The following METTL15 variants were observed in gnomAD, a reference collection of about 807,000 sequenced individuals.
METTL15 encodes the protein 12S rRNA N(4)-cytidine methyltransferase METTL15.
Under a neutral mutation model 38.3 loss-of-function variants are expected in METTL15, and 34 were observed. That is an observed-to-expected ratio of 0.89 (90% CI 0.68 to 1.18). The LOEUF (loss-of-function observed/expected upper bound fraction) is 1.18, where lower values mean the gene tolerates loss of function less well. Among genes scored for constraint, METTL15 ranks in the 50% most tolerant of loss-of-function variants. The pLI is 0.00. For missense variants in METTL15, 438 were observed against 498.4 expected, an observed-to-expected ratio of 0.88 and a Z score of 1.15; for synonymous variants, 162 against 170.9, an observed-to-expected ratio of 0.95 and a Z score of 0.41.
chr11:28,155,107 A>G lies in METTL15; in HGVS notation c.270+41503A>G, dbSNP rs573829173. The stretch of plus-strand genomic sequence containing the variant: ...AAGGTGTTCTCTAGATGTCTGCAGC[A>G]TTAAGGTAGCATTTTATGGGAAACT... On this transcript the variant is annotated intron_variant, in intron 3 of 6. Coordinates refer to ENST00000407364, the MANE Select transcript of METTL15 (RefSeq NM_001113528.2). Among the ~76,000 whole-genome samples, 5 of 152,302 alleles carry G rather than the reference A, an allele frequency of 3.3e-5. No homozygotes were observed. The South Asian group carries it at 1.0e-3, about 32-fold the overall frequency.
chr11:28,253,112 C>T (rs535286533), intron 4 of METTL15, among the ~76,000 whole-genome samples: 5 of 152,162 alleles, frequency 3.3e-5, no homozygotes, highest in African/African-American at 1.2e-4. Flanking sequence ...TGACTGATAC[C>T]TTTGTAATTT....
Position 28,518,233 on chromosome 11 carries a change from C to T in METTL15, c.*425-8245C>T, listed in dbSNP as rs140111756. Among the ~76,000 whole-genome samples, 62 of 152,222 alleles carry T rather than the reference C, an allele frequency of 4.1e-4. No homozygotes were observed. The East Asian group carries it at 0.012, about 28-fold the overall frequency. ...TCTCATCTCTGTTGGATGCTAGAGA[C>T]CCCCCTCCACATGACACATCTGGGT... On this transcript the variant is annotated intron_variant and NMD_transcript_variant, in intron 6 of 7. Transcript: ENST00000532947.
intron 6 of METTL15, among the ~76,000 whole-genome samples, chr11:28,481,005 A>C (rs906499827): frequency 6.6e-6 from 1 of 152,190 alleles, no homozygotes; most frequent in Non-Finnish European, 1.5e-5. Context: ...AGGCAGGAAG[A>C]AGAGAGAGAA....
rs144824261 is a variant in METTL15 at position 28,287,620 on chromosome 11, C to T, written c.408-2586C>T. On this transcript the variant is annotated intron_variant, in intron 4 of 6. Transcript: ENST00000407364. ...GAGCATCAGCCAGGACATCCATGTG[C>T]ACCATTGTGGTGGCGTGGAAGGAGC... 2.5e-3 allele frequency: 520 copies of T among 210,742 alleles called. 5 individuals carry two copies. The highest frequency in any genetic ancestry group is 0.012 in the African/African-American group (499 of 43,180). The allele number at this position is 210,742 out of a possible 1,614,324, so 13.1% of individuals were successfully genotyped here. A position where few individuals can be genotyped will look rare whatever the true frequency, so the allele number is the denominator to read the frequency against.
chr11:28,114,277 AG>A (rs1851850097), intron 3 of METTL15, among the ~76,000 whole-genome samples: 1 of 152,048 alleles, frequency 6.6e-6, no homozygotes, highest in Non-Finnish European at 1.5e-5. Flanking sequence ...GCATGTTTTC[AG>A]GGTTCTTCCA....
intron 6 of METTL15, among the ~76,000 whole-genome samples, chr11:28,315,600 G>A (rs1857451237): frequency 6.6e-6 from 1 of 152,182 alleles, no homozygotes. Flanking sequence ...TAAGTAAGGA[G>A]AAGCCAATCC....
At chr11:28,296,432 C>T (rs1030206658) in intron 5 of METTL15, among the ~76,000 whole-genome samples, 2 of 152,074 alleles carry the variant, frequency 1.3e-5, no homozygotes, top group Non-Finnish European at 2.9e-5. Context: ...TTAAATCTAA[C>T]CATTTTTCAT....
At chr11:28,448,011 G>A (rs1851089366) in intron 6 of METTL15, among the ~76,000 whole-genome samples, 1 of 152,022 alleles carries the variant, frequency 6.6e-6, no homozygotes, top group Non-Finnish European at 1.5e-5. Context: ...CCTCCACTCT[G>A]TCCCCATGCC....
intron 6 of METTL15, among the ~76,000 whole-genome samples, chr11:28,308,892 G>A (rs61889053): frequency 2.3e-4 from 34 of 146,998 alleles, no homozygotes; most frequent in South Asian, 8.9e-4. Flanking sequence ...AGGTAGGTAG[G>A]TAGATAGATA....
chr11:28,196,812 A>G lies in METTL15; in HGVS notation c.271-14250A>G, dbSNP rs1851926608. The stretch of plus-strand genomic sequence containing the variant: ...GTTGTATAAAGTCTTTCTGGTCAGT[A>G]AAAAATTGAGATATTTCAAATGCCT... On this transcript the variant is annotated intron_variant, in intron 3 of 6. Transcript: ENST00000407364. Among the ~76,000 whole-genome samples, 3 of 152,016 alleles carry G rather than the reference A, an allele frequency of 2.0e-5. No homozygotes were observed. In the Middle Eastern group the frequency reaches 0.01, roughly 517 times the overall value.
At chr11:28,213,054 G>C (rs552862893) in intron 4 of METTL15, among the ~76,000 whole-genome samples, 2 of 152,110 alleles carry the variant, frequency 1.3e-5, no homozygotes, top group African/African-American at 4.8e-5. Context: ...TTTGCTAAAA[G>C]GCATAAACGA....
chr11:28,301,344 T>G (rs1856906802), intron 6 of METTL15, among the ~76,000 whole-genome samples: 1 of 152,120 alleles, frequency 6.6e-6, no homozygotes, highest in Non-Finnish European at 1.5e-5. Context: ...GAAATGCCAC[T>G]TCCTCACAAA....
At chr11:28,280,182 C>T (rs542220432) in intron 4 of METTL15, among the ~76,000 whole-genome samples, 31 of 151,846 alleles carry the variant, frequency 2.0e-4, no homozygotes, top group South Asian at 2.1e-4. Flanking sequence ...TTCATTGCTT[C>T]GGTTGTATTT....
At chr11:28,292,464 G>T (rs1369992079) in intron 5 of METTL15, among the ~76,000 whole-genome samples, 1 of 151,950 alleles carries the variant, frequency 6.6e-6, no homozygotes, top group East Asian at 1.9e-4. Context: ...ATCATTGTTG[G>T]ACATTTGGGT....
downstream of METTL15, among the ~76,000 whole-genome samples, chr11:28,527,722 G>T (rs1564957152): frequency 6.6e-6 from 1 of 152,200 alleles, no homozygotes; most frequent in Non-Finnish European, 1.5e-5. Context: ...ATTGAACGAA[G>T]ATCTGACAAA....
At chr11:28,306,691 A>G (rs377750777) in intron 6 of METTL15, among the ~76,000 whole-genome samples, 1 of 152,038 alleles carries the variant, frequency 6.6e-6, no homozygotes, top group Non-Finnish European at 1.5e-5. Context: ...ATATGCTTTC[A>G]TTTTTAAAGT....
chr11:28,502,001 T>C (rs925656226), intron 6 of METTL15, among the ~76,000 whole-genome samples: 2 of 150,838 alleles, frequency 1.3e-5, no homozygotes, highest in Non-Finnish European at 2.9e-5. Flanking sequence ...CTCGGGAGGC[T>C]GAGGCAGTAG....
chr11:28,261,294 T>C (rs1855190709), intron 4 of METTL15: 2 of 152,224 alleles, frequency 1.3e-5, no homozygotes, highest in South Asian at 4.1e-4. Context: ...AGAGCTTCTT[T>C]GGAGATTTTA....
intron 3 of METTL15, among the ~76,000 whole-genome samples, chr11:28,135,366 G>A (rs918093419): frequency 2.0e-5 from 3 of 152,284 alleles, no homozygotes; most frequent in African/African-American, 7.2e-5. Context: ...GCTGAGCCCA[G>A]TCATGGGTTT....
Sources: allele counts gnomAD v4.1 joint callset (sites outside exome capture counted in the v4.1 genomes callset), GRCh38; gene constraint gnomAD v4.1.1; transcripts MANE v1.5; gene names NCBI Gene and HGNC (gene_info 2026-07-23, HGNC 2026-07-21).